The following SLCO3A1 variants were observed in gnomAD, a reference collection of about 807,000 sequenced individuals.
SLCO3A1 encodes PGE1 transporter.
Under a neutral mutation model 63.1 loss-of-function variants are expected in SLCO3A1, and 27 were observed. The observed-to-expected ratio is 0.43, with a 90% CI of 0.32 to 0.59. The LOEUF (loss-of-function observed/expected upper bound fraction) is 0.59. SLCO3A1 is among the 20% of genes least tolerant of loss of function. The pLI is 0.09. For synonymous variants in SLCO3A1, 473 were observed against 409.9 expected, an observed-to-expected ratio of 1.15 and a Z score of -1.86; for missense variants, 773 against 945.8, an observed-to-expected ratio of 0.82 and a Z score of 2.40.
chr15:92,048,780 C>T (rs1293216154), intron 2 of SLCO3A1, among the ~76,000 whole-genome samples: 2 of 152,160 alleles, frequency 1.3e-5, no homozygotes, highest in Non-Finnish European at 2.9e-5. Flanking sequence ...CACCTGTAAT[C>T]CCAGCTCCTC....
At chr15:91,982,000 A>T (rs1454431159) in intron 2 of SLCO3A1, among the ~76,000 whole-genome samples, 1 of 152,240 alleles carries the variant, frequency 6.6e-6, no homozygotes, top group African/African-American at 2.4e-5. Flanking sequence ...CACTTGTTGA[A>T]GTTATGCACA....
At chr15:91,951,242 T>C (rs1899985989) in intron 2 of SLCO3A1, among the ~76,000 whole-genome samples, 1 of 152,198 alleles carries the variant, frequency 6.6e-6, no homozygotes, top group Admixed American at 6.5e-5. Flanking sequence ...TCCCTTACCC[T>C]CTGGCAACTG....
At chr15:91,898,567 T>C (rs954727886) in intron 1 of SLCO3A1, among the ~76,000 whole-genome samples, 1 of 152,126 alleles carries the variant, frequency 6.6e-6, no homozygotes, top group Admixed American at 6.5e-5. Context: ...CTGGGAAAAC[T>C]CAGCTAAAGG....
At chr15:92,073,946 A>C (rs2047245935) in intron 2 of SLCO3A1, among the ~76,000 whole-genome samples, 1 of 152,238 alleles carries the variant, frequency 6.6e-6, no homozygotes, top group African/African-American at 2.4e-5. Flanking sequence ...AGGCAGGTGG[A>C]TCACCTGAGG....
At chr15:91,995,553 G>T (rs2046180517) in intron 2 of SLCO3A1, among the ~76,000 whole-genome samples, 1 of 152,092 alleles carries the variant, frequency 6.6e-6, no homozygotes, top group Non-Finnish European at 1.5e-5. Flanking sequence ...AGACATTTTG[G>T]CAGACAATCA....
chr15:92,094,786 C>T (rs565003718), intron 2 of SLCO3A1, 95 bp from the exon 3 acceptor site: 1 of 765,604 alleles, frequency 1.3e-6, no homozygotes, highest in Admixed American at 2.2e-5. Flanking sequence ...GTCATCTCAT[C>T]TCATCAATGT....
At chr15:92,042,425 G>A (rs2046811142) in intron 2 of SLCO3A1, among the ~76,000 whole-genome samples, 1 of 152,140 alleles carries the variant, frequency 6.6e-6, no homozygotes. Context: ...GGATCCACAC[G>A]GTTGGGCCAA....
rs35619974 is a variant in SLCO3A1 at position 91,969,310 on chromosome 15, A to ATT, written c.646+52864_646+52865dup. ...TCTTGTGTTTGTCTGTATATATATAATTTTTTTTTTTTTGAGATGAATTCT... is the reference window on the plus strand; with the variant it reads ...TCTTGTGTTTGTCTGTATATATATAATTTTTTTTTTTTTTTGAGATGAATTCT... On this transcript the variant is annotated intron_variant, in intron 2 of 9. Coordinates refer to ENST00000318445, the MANE Select transcript of SLCO3A1 (RefSeq NM_013272.4). Among the ~76,000 whole-genome samples the ATT allele has an allele frequency of 5.9e-3, 864 of 146,452 alleles. 7 individuals carry two copies. The highest frequency in any genetic ancestry group is 0.018 in the African/African-American group (703 of 39,834).
chr15:92,034,658 C>T (rs574318879), intron 2 of SLCO3A1, among the ~76,000 whole-genome samples: 1 of 151,854 alleles, frequency 6.6e-6, no homozygotes, highest in East Asian at 1.9e-4. Flanking sequence ...CAGGAGGAAG[C>T]AGGACCAACT....
chr15:92,141,878 A>T (rs1359543009), intron 7 of SLCO3A1, among the ~76,000 whole-genome samples: 1 of 152,158 alleles, frequency 6.6e-6, no homozygotes, highest in Non-Finnish European at 1.5e-5. Flanking sequence ...TTGCCATCTG[A>T]CCACAACTGC....
intron 4 of SLCO3A1, among the ~76,000 whole-genome samples, chr15:92,111,042 C>T (rs1416593964): frequency 1.3e-5 from 2 of 152,198 alleles, no homozygotes; most frequent in Non-Finnish European, 2.9e-5. Flanking sequence ...TTCATGTTGT[C>T]GCTTGTCCAT....
rs534735358 is a variant in SLCO3A1, at chr15:92,015,900, G to C, written c.647-78981G>C. Among the ~76,000 whole-genome samples the C allele has an allele frequency of 3.9e-5, 6 of 152,266 alleles. No homozygotes were observed. The South Asian group carries it at 8.3e-4, about 21-fold the overall frequency. ...CAGGAGCTGATAGCTGGAAAAGTAA[G>C]ACATAAGAAAAATACGAAATGGAAA... On this transcript the variant is annotated intron_variant, in intron 2 of 9. Coordinates refer to ENST00000318445, the MANE Select transcript of SLCO3A1 (RefSeq NM_013272.4).
Position 92,151,028 on chromosome 15 carries a change from C to T in SLCO3A1, c.1753+14C>T. The T allele has an allele frequency of 6.4e-7, 1 of 1,574,486 alleles. No individual in the cohort carries two copies. Among genetic ancestry groups the T allele is most frequent in the Non-Finnish European group, 8.7e-7 (1 of 1,147,790 alleles). On this transcript the variant is annotated intron_variant, in intron 9 of 9. Coordinates refer to ENST00000318445, the MANE Select transcript of SLCO3A1 (RefSeq NM_013272.4). ...TTCGTTTGTTGGGTATGTATTATCTCTTTATTTCCTCAATAATGAATTGGA... is the reference window on the plus strand; with the variant it reads ...TTCGTTTGTTGGGTATGTATTATCTTTTTATTTCCTCAATAATGAATTGGA...
chr15:92,085,393 G>C (rs193046418), intron 2 of SLCO3A1, among the ~76,000 whole-genome samples: 2 of 152,186 alleles, frequency 1.3e-5, no homozygotes, highest in Non-Finnish European at 2.9e-5. Context: ...CCAGTTTTGC[G>C]TAGGCATATT....
chr15:92,031,123 G>A (rs535947721), intron 2 of SLCO3A1, among the ~76,000 whole-genome samples: 5 of 152,200 alleles, frequency 3.3e-5, no homozygotes, highest in African/African-American at 7.2e-5. Flanking sequence ...TCTGGTATCC[G>A]CTAAGGCTTT....
rs182748930 is a variant in SLCO3A1, at chr15:91,974,641, C to T, written c.646+58183C>T. Among the ~76,000 whole-genome samples, 604 of 152,206 alleles carry T rather than the reference C, an allele frequency of 4.0e-3. 6 individuals are homozygous for T. The highest frequency in any genetic ancestry group is 0.014 in the African/African-American group (578 of 41,526). Reference sequence around the variant, plus strand: ...GGGAGGTGGGGTGAGGGGAAGACCACAGGGAACTCCCCAGGGAGCAGAGAA... The same window carrying T: ...GGGAGGTGGGGTGAGGGGAAGACCATAGGGAACTCCCCAGGGAGCAGAGAA... On this transcript the variant is annotated intron_variant, in intron 2 of 9. Coordinates refer to ENST00000318445, the MANE Select transcript of SLCO3A1 (RefSeq NM_013272.4).
intron 2 of SLCO3A1, among the ~76,000 whole-genome samples, chr15:92,082,854 C>T (rs978232364): frequency 6.6e-6 from 1 of 152,150 alleles, no homozygotes; most frequent in African/African-American, 2.4e-5. Context: ...GAACTAGGTC[C>T]CGGAGTCCTG....
chr15:91,963,418 G>GGC, intron 2 of SLCO3A1, among the ~76,000 whole-genome samples: 1 of 130,582 alleles, frequency 7.7e-6, no homozygotes, highest in Non-Finnish European at 1.6e-5. Context: ...TGGGGGGGGG[G>GGC]GGCGGCAGCA....
chr15:91,931,131 C>T (rs1380765749), intron 2 of SLCO3A1, among the ~76,000 whole-genome samples: 1 of 152,172 alleles, frequency 6.6e-6, no homozygotes, highest in African/African-American at 2.4e-5. Flanking sequence ...AGGAGACAGC[C>T]TTCCAAACCG....
Sources: allele counts gnomAD v4.1 joint callset (sites outside exome capture counted in the v4.1 genomes callset), GRCh38; gene constraint gnomAD v4.1.1; transcripts MANE v1.5; gene names NCBI Gene and HGNC (gene_info 2026-07-23, HGNC 2026-07-21).